GNG12: variants seen among roughly 807,000 people sequenced by gnomAD.
The protein encoded by GNG12 is guanine nucleotide-binding protein G(I)/G(S)/G(O) subunit gamma-12.
For missense variants in GNG12, 69 were observed against 83.8 expected, an observed-to-expected ratio of 0.82 and a Z score of 0.69; for synonymous variants, 28 against 29.7, an observed-to-expected ratio of 0.94 and a Z score of 0.19.
Position 67,705,292 on chromosome 1 carries a change from G to T in GNG12, c.*159C>A. 1 of 1,148,168 alleles carries T rather than the reference G, an allele frequency of 8.7e-7. No individual in the cohort carries two copies. Among genetic ancestry groups the T allele is most frequent in the Non-Finnish European group, 1.2e-6 (1 of 842,118 alleles). The allele number at this position is 1,148,168 out of a possible 1,614,324, so 71.1% of individuals were successfully genotyped here. A position where few individuals can be genotyped will look rare whatever the true frequency, so the allele number is the denominator to read the frequency against. On this transcript the variant is annotated 3_prime_UTR_variant, in exon 4 of 4. Coordinates refer to ENST00000370982, the MANE Select transcript of GNG12 (RefSeq NM_018841.6). The stretch of plus-strand genomic sequence containing the variant: ...CAGTAAAGGGTATTTTAAGAGAAAG[G>T]ACAACTTGGAAAATAGAGACTTCAG...
At chr1:67,813,274 TA>T (rs1483424767) in intron 1 of GNG12, among the ~76,000 whole-genome samples, 2 of 152,196 alleles carry the variant, frequency 1.3e-5, no homozygotes, top group African/African-American at 4.8e-5. Flanking sequence ...TCTAAATATT[TA>T]CCAGGAAGAA....
intron 2 of GNG12, among the ~76,000 whole-genome samples, chr1:67,769,414 C>A (rs191379598): frequency 6.6e-6 from 1 of 152,264 alleles, no homozygotes; most frequent in African/African-American, 2.4e-5. Flanking sequence ...AGAAAACCTA[C>A]ATAAGTGAGG....
At chr1:67,770,665 G>A (rs1553157898) in intron 2 of GNG12, among the ~76,000 whole-genome samples, 2 of 152,144 alleles carry the variant, frequency 1.3e-5, no homozygotes, top group Non-Finnish European at 2.9e-5. Context: ...CCAGAGCAAG[G>A]CCCCTCAGAG....
At chr1:67,748,902 C>A (rs2100722778) in intron 2 of GNG12, among the ~76,000 whole-genome samples, 1 of 152,248 alleles carries the variant, frequency 6.6e-6, no homozygotes, top group East Asian at 1.9e-4. Flanking sequence ...ACCACGCATT[C>A]TTCCATAACA....
intron 1 of GNG12, among the ~76,000 whole-genome samples, chr1:67,796,079 CAT>C: frequency 6.6e-6 from 1 of 152,330 alleles, no homozygotes; most frequent in East Asian, 1.9e-4. Flanking sequence ...CACAATTTAA[CAT>C]GTGACCGATT....
At position 67,715,513 on chromosome 1, in the gene GNG12, C is replaced by G. The variant is rs577680441; in HGVS notation, c.-26-7801G>C. 8.3e-4 allele frequency among the ~76,000 whole-genome samples: 127 copies of G among 152,256 alleles called. 1 individual carries two copies. The highest frequency in any genetic ancestry group is 3.0e-3 in the African/African-American group (123 of 41,550). On this transcript the variant is annotated intron_variant, in intron 2 of 3. Coordinates refer to ENST00000370982, the MANE Select transcript of GNG12 (RefSeq NM_018841.6). ...TGCTTGGGTTATTTCTGCTGACAAGCAGGGTGGTGGGCAAGCTGCTCTTAG... is the reference window on the plus strand; with the variant it reads ...TGCTTGGGTTATTTCTGCTGACAAGGAGGGTGGTGGGCAAGCTGCTCTTAG...
At chr1:67,729,124 C>A (rs760023402) in intron 2 of GNG12, among the ~76,000 whole-genome samples, 21 of 152,064 alleles carry the variant, frequency 1.4e-4, no homozygotes, top group Non-Finnish European at 2.9e-4. Context: ...GCCCCATGTT[C>A]CGGGCTGACA....
intron 1 of GNG12, among the ~76,000 whole-genome samples, chr1:67,789,988 A>C (rs886658827): frequency 6.6e-6 from 1 of 152,158 alleles, no homozygotes; most frequent in Non-Finnish European, 1.5e-5. Context: ...TAGCAAAGAA[A>C]TTTTTCTGTC....
chr1:67,803,407 G>A (rs547278256), intron 1 of GNG12, among the ~76,000 whole-genome samples: 58 of 152,072 alleles, frequency 3.8e-4, no homozygotes, highest in African/African-American at 1.3e-3. Context: ...TCCTTATATG[G>A]TGACAATGAA....
intron 2 of GNG12, among the ~76,000 whole-genome samples, chr1:67,723,119 A>T (rs990133488): frequency 2.0e-5 from 3 of 152,204 alleles, no homozygotes; most frequent in Admixed American, 1.3e-4. Context: ...AATGCAAAAA[A>T]TTTTTTAAAA....
At chr1:67,715,614 G>T (rs1380857754) in intron 2 of GNG12, among the ~76,000 whole-genome samples, 1 of 152,186 alleles carries the variant, frequency 6.6e-6, no homozygotes, top group Non-Finnish European at 1.5e-5. Context: ...GCAGCCTCTT[G>T]AGTCTCTACT....
chr1:67,755,685 T>C (rs1253804208), intron 2 of GNG12, among the ~76,000 whole-genome samples: 1 of 152,196 alleles, frequency 6.6e-6, no homozygotes, highest in African/African-American at 2.4e-5. Context: ...ACATCCATCC[T>C]TATATACCTC....
intron 1 of GNG12, among the ~76,000 whole-genome samples, chr1:67,818,525 T>C (rs1279639464): frequency 6.7e-6 from 1 of 149,874 alleles, no homozygotes; most frequent in Non-Finnish European, 1.5e-5. Context: ...ACAAGTCCAG[T>C]TCCTAATCAG....
At chr1:67,735,761 G>A (rs1312715041) in intron 2 of GNG12, among the ~76,000 whole-genome samples, 1 of 152,006 alleles carries the variant, frequency 6.6e-6, no homozygotes, top group Non-Finnish European at 1.5e-5. Context: ...GCTCCTGTGA[G>A]AAAAACATAA....
At chr1:67,762,336 C>T (rs955939500) in intron 2 of GNG12, among the ~76,000 whole-genome samples, 1 of 152,060 alleles carries the variant, frequency 6.6e-6, no homozygotes, top group Non-Finnish European at 1.5e-5. Flanking sequence ...GTACTCAGTA[C>T]CTAGCTAGCA....
chr1:67,712,865 G>C (rs1646304255), intron 2 of GNG12, among the ~76,000 whole-genome samples: 1 of 150,108 alleles, frequency 6.7e-6, no homozygotes, highest in African/African-American at 2.5e-5. Flanking sequence ...TTTTGAGATG[G>C]AGTCAGGCAC....
chr1:67,739,400 G>A (rs929190112), intron 2 of GNG12, among the ~76,000 whole-genome samples: 2 of 150,374 alleles, frequency 1.3e-5, no homozygotes, highest in African/African-American at 5.0e-5. Flanking sequence ...CACAATGACC[G>A]GTATGATCTT....
At chr1:67,789,289 A>G (rs1646787585) in intron 1 of GNG12, among the ~76,000 whole-genome samples, 1 of 152,250 alleles carries the variant, frequency 6.6e-6, no homozygotes, top group South Asian at 2.1e-4. Context: ...GGATGAGGAC[A>G]TGTGCCTTAG....
In GNG12 at chr1:67,740,728, T is replaced by G. The variant is rs530707319; in HGVS notation, c.-26-33016A>C. Among the ~76,000 whole-genome samples, 6 of 152,348 alleles carry G rather than the reference T, an allele frequency of 3.9e-5. No homozygotes were observed. The East Asian group carries it at 1.2e-3, about 29-fold the overall frequency. On this transcript the variant is annotated intron_variant, in intron 2 of 3. Coordinates refer to ENST00000370982, the MANE Select transcript of GNG12 (RefSeq NM_018841.6). The stretch of plus-strand genomic sequence containing the variant: ...AGGGTGGAGCCTCCATGAGTGGGAT[T>G]AATGCCCTTATAAAGCAGGTTCAAG...
Sources: gnomAD v4.1 joint callset for allele counts (sites outside exome capture counted in the v4.1 genomes callset) on GRCh38, gnomAD v4.1.1 for gene constraint, MANE v1.5 for transcripts, NCBI Gene and HGNC (gene_info 2026-07-23, HGNC 2026-07-21) for gene names.